Variants in LACC1 observed in about 807,000 individuals in gnomAD.
The protein encoded by LACC1 is laccase domain multifunctional purine nucleosidase 1.
In LACC1, 25 loss-of-function variants were observed where a neutral mutation model predicts 34.8. The observed-to-expected ratio is 0.72, with a 90% CI of 0.52 to 1.00. LACC1 has a LOEUF of 1.00. Among genes scored for constraint, LACC1 ranks in the 50% least tolerant of loss-of-function variants. The pLI is 0.00. For synonymous variants in LACC1, 162 were observed against 168.0 expected (o/e 0.96, Z 0.28); for missense variants, 426 against 511.2 (o/e 0.83, Z 1.61).
chr13:43,882,494 G>A, intron 3 of LACC1, 131 bp downstream of exon 3: 1 of 604,514 alleles, frequency 1.7e-6, no homozygotes, highest in Non-Finnish European at 2.7e-6. Flanking sequence ...TGCTGTGGTT[G>A]TCTTTCTTAG....
intron 4 of LACC1, among the ~76,000 whole-genome samples, chr13:43,885,538 A>G (rs970195647): frequency 1.3e-5 from 2 of 152,228 alleles, no homozygotes; most frequent in African/African-American, 4.8e-5. Context: ...TGGTGCTGGC[A>G]TAACTGGCTA....
intron 6 of LACC1, among the ~76,000 whole-genome samples, chr13:43,890,904 A>G (rs146398619): frequency 1.3e-5 from 2 of 152,354 alleles, no homozygotes; most frequent in African/African-American, 4.8e-5. Flanking sequence ...GCAACAAGAG[A>G]TACTGACAAC....
chr13:43,880,923 T>G, intron 1 of LACC1, 29 bp from the exon 2 acceptor site: 5 of 1,348,446 alleles, frequency 3.7e-6, no homozygotes. Context: ...TATATAATCT[T>G]ATATTCTTAC....
In LACC1 at chr13:43,880,890, AT is replaced by A. The variant is rs1352690659; in HGVS notation, c.-34-59del. The A allele has an allele frequency of 2.7e-6, 3 of 1,106,756 alleles. No homozygotes were observed. The African/African-American group carries it at 4.8e-5, about 18-fold the overall frequency. The allele number at this position is 1,106,756 out of a possible 1,614,324, so 68.6% of individuals were successfully genotyped here. ...TTACTTCGTTTTTAATCTACCACAA[AT>A]TTCTGTTGTAACTATAAGATTTATA... is the stretch of plus-strand genomic sequence containing the variant. On this transcript the variant is annotated intron_variant, in intron 1 of 6. Coordinates refer to ENST00000325686, the MANE Select transcript of LACC1 (RefSeq NM_153218.4).
rs761381756 is a variant in LACC1 at position 43,888,995 on chromosome 13, TCATTCAA to T, written c.1133+15_1133+21del. On this transcript the variant is annotated intron_variant, in intron 5 of 6. Transcript: ENST00000325686. The stretch of plus-strand genomic sequence containing the variant: ...GTAAAGCCACAAGGTATGTCTGATT[TCATTCAA>T]CTGCAAGTTTGATTATTTCTGATTG... 4.5e-6 allele frequency: 7 copies of T among 1,566,492 alleles called. No individual in the cohort carries two copies. The highest frequency in any genetic ancestry group is 6.2e-6 in the Non-Finnish European group (7 of 1,136,902).
chr13:43,882,043 A>G (rs979776703), intron 2 of LACC1, 142 bp from the exon 3 acceptor site: 4 of 591,458 alleles, frequency 6.8e-6, no homozygotes, highest in Non-Finnish European at 1.2e-5. Context: ...GCAGAATGCC[A>G]TAAGAACATA....
chr13:43,885,816 C>G (rs906139340), intron 4 of LACC1, among the ~76,000 whole-genome samples: 2 of 151,952 alleles, frequency 1.3e-5, no homozygotes, highest in Non-Finnish European at 2.9e-5. Flanking sequence ...ACAGAGTAAA[C>G]AGAAAACCTA....
chr13:43,884,065 G>A, intron 4 of LACC1, 129 bp downstream of exon 4: 1 of 636,658 alleles, frequency 1.6e-6, no homozygotes, highest in Non-Finnish European at 2.6e-6. Flanking sequence ...TGATGGGAGA[G>A]GCGGCATAGT....
chr13:43,884,676 G>A (rs1955231014), intron 4 of LACC1, among the ~76,000 whole-genome samples: 1 of 152,126 alleles, frequency 6.6e-6, no homozygotes, highest in South Asian at 2.1e-4. Flanking sequence ...CCCCATAGCT[G>A]TGATTTTGTG....
chr13:43,882,452 T>A, intron 3 of LACC1, 89 bp downstream of exon 3: 1 of 926,916 alleles, frequency 1.1e-6, no homozygotes. Context: ...TTAACTTTTG[T>A]ATCTGCTTTT....
intron 1 of LACC1, 42 bp downstream of exon 1, chr13:43,880,161 A>T (rs1954924474): frequency 7.3e-6 from 1 of 137,038 alleles, no homozygotes; most frequent in Admixed American, 7.6e-5. Flanking sequence ...CGTTGGGCGG[A>T]AATTCACAAT....
rs774711238 is a variant in LACC1, at chr13:43,881,186, T to C, written c.201T>C (p.Asn67=). The C allele has an allele frequency of 6.2e-7, 1 of 1,614,154 alleles. No homozygotes were observed. The highest frequency in any genetic ancestry group is 1.7e-5 in the Admixed American group (1 of 60,024). ...EQDNCEIETS[N]GLSALLEEFE... is the part of the protein sequence containing the mutation. ...ATAATTGTGAAATAGAAACAAGCAA[T>C]GGATTATCAGCTCTCTTGGAAGAAT... The change falls in exon 2 of 7, where the codon AAT becomes AAC. Residue 67 remains asparagine, a synonymous_variant. Coordinates refer to ENST00000325686, the MANE Select transcript of LACC1 (RefSeq NM_153218.4).
Position 43,883,795 on chromosome 13 carries a change from A to G in LACC1, c.766A>G (p.Ile256Val), listed in dbSNP as rs142448592. ...GACTCATCATTCCAATGACATCTGG[A>G]TTATGGGAAGAAAGGAGCCTGACTC... Reference protein sequence around the residue: ...IKTHHSNDIWIMGRKEPDSYD... With the variant: ...IKTHHSNDIWVMGRKEPDSYD... Residue 256 changes from isoleucine to valine, a missense_variant, in exon 4 of 7, where the codon ATT (isoleucine) becomes GTT (valine). Physicochemically the swap from Ile to Val is conservative, Grantham distance 29 (BLOSUM62 3). Transcript: ENST00000325686. 2.5e-6 allele frequency: 4 copies of G among 1,612,770 alleles called. No individual in the cohort carries two copies. Among genetic ancestry groups the G allele is most frequent in the Admixed American group, 3.3e-5 (2 of 59,878 alleles).
intron 4 of LACC1, among the ~76,000 whole-genome samples, chr13:43,885,901 CAACA>C (rs1004931978): frequency 6.6e-6 from 1 of 151,268 alleles, no homozygotes; most frequent in African/African-American, 2.4e-5. Context: ...GAACTTAAAT[CAACA>C]AACAAATAAC....
chr13:43,883,987 G>T, intron 4 of LACC1, 51 bp downstream of exon 4: 1 of 1,502,828 alleles, frequency 6.7e-7, no homozygotes, highest in Middle Eastern at 1.8e-4. Flanking sequence ...TGTTGTGCAG[G>T]AAAAATTGTA....
At position 43,881,033 on chromosome 13, in the gene LACC1, T is replaced by C. The variant is rs747108510; in HGVS notation, c.48T>C (p.Ser16=). ...LIDLFGLKLN[S]QKNCHQTLLK... ...ATCTTTTTGGTTTGAAATTGAACTC[T>C]CAAAAAAACTGCCATCAGACATTAC... is the stretch of plus-strand genomic sequence containing the variant. Residue 16 remains serine (S), a synonymous_variant, in exon 2 of 7, where the codon TCT becomes TCC. Transcript: ENST00000325686. 9.9e-5 allele frequency: 160 copies of C among 1,614,010 alleles called. No individual in the cohort carries two copies. The highest frequency in any genetic ancestry group is 1.3e-4 in the Non-Finnish European group (157 of 1,180,012).
intron 4 of LACC1, 148 bp from the exon 5 acceptor site, chr13:43,888,609 T>A: frequency 6.1e-6 from 4 of 655,626 alleles, no homozygotes; most frequent in Non-Finnish European, 7.9e-6. Flanking sequence ...GTATGGCTCA[T>A]TTAAAAACCA....
chr13:43,882,403 T>C, intron 3 of LACC1, 40 bp downstream of exon 3: 1 of 1,481,856 alleles, frequency 6.7e-7, no homozygotes, highest in South Asian at 1.3e-5. Context: ...CTAAAGTATA[T>C]TTTTTACTTT....
intron 2 of LACC1, 72 bp downstream of exon 2, chr13:43,881,619 T>A (rs1258112514): frequency 8.6e-7 from 1 of 1,165,924 alleles, no homozygotes; most frequent in Non-Finnish European, 1.2e-6. Flanking sequence ...GTAGTTCACC[T>A]CTTTTTTTCC....
Sources: allele counts gnomAD v4.1 joint callset (sites outside exome capture counted in the v4.1 genomes callset), GRCh38; gene constraint gnomAD v4.1.1; transcripts MANE v1.5; gene names NCBI Gene and HGNC (gene_info 2026-07-23, HGNC 2026-07-21).